The following STPG2 variants were observed in gnomAD, a reference collection of about 807,000 sequenced individuals.
The protein encoded by STPG2 is sperm tail PG-rich repeat containing 2.
In STPG2, 56 loss-of-function variants were observed where a neutral mutation model predicts 54.2. That is an observed-to-expected ratio of 1.03 (90% CI 0.83 to 1.29). The LOEUF (loss-of-function observed/expected upper bound fraction) is 1.29. STPG2 is among the 50% of genes most tolerant of loss of function. The probability of loss-of-function intolerance (pLI) is 0.00; values close to 1 mark genes in which losing one functional copy is unlikely to be tolerated. For missense variants in STPG2, 596 were observed against 544.9 expected (o/e 1.09, Z -0.93); for synonymous variants, 200 against 181.8 (o/e 1.10, Z -0.81).
At chr4:97,983,279 A>C (rs1036900927) in intron 5 of STPG2, among the ~76,000 whole-genome samples, 11 of 152,188 alleles carry the variant, frequency 7.2e-5, no homozygotes, top group Non-Finnish European at 1.3e-4. Flanking sequence ...ACTTTATTGT[A>C]AGTATACAGT....
At chr4:97,970,737 G>C (rs559045331) in intron 7 of STPG2, among the ~76,000 whole-genome samples, 1 of 152,252 alleles carries the variant, frequency 6.6e-6, no homozygotes, top group African/African-American at 2.4e-5. Context: ...TACCATTCAG[G>C]ACATAGGCAT....
In STPG2 at chr4:97,981,238, T is replaced by C. The variant is rs762959299; in HGVS notation, c.693A>G (p.Lys231=). ...EPRTALKSLK[K]TSGLKNIPFG... is the part of the protein sequence containing the mutation. ...ATGGAATATTTTTCAGTCCTGATGT[T>C]TTCTTCAAAGACTTGAGAGCAGTTC... The change falls in exon 6 of 11, where the codon AAA becomes AAG. Residue 231 remains lysine (K), a synonymous_variant. Coordinates refer to ENST00000295268, the MANE Select transcript of STPG2 (RefSeq NM_174952.3). The C allele has an allele frequency of 1.9e-6, 3 of 1,614,044 alleles. No homozygotes were observed. The highest frequency in any genetic ancestry group is 2.5e-6 in the Non-Finnish European group (3 of 1,179,954).
intron 9 of STPG2, among the ~76,000 whole-genome samples, chr4:97,756,080 C>G (rs949750073): frequency 9.9e-5 from 15 of 152,036 alleles, no homozygotes; most frequent in African/African-American, 3.6e-4. Context: ...CTCTCTTTCT[C>G]TCTCTCTCTG....
At chr4:97,965,947 G>A (rs1734081087) in intron 7 of STPG2, among the ~76,000 whole-genome samples, 1 of 152,306 alleles carries the variant, frequency 6.6e-6, no homozygotes, top group African/African-American at 2.4e-5. Context: ...CTAAAAACCA[G>A]AGTGCCTCTT....
In STPG2 at chr4:97,872,004, T is replaced by C. The variant is rs1296271663; in HGVS notation, c.1045-31072A>G. ...TTATTTAAGATTATGAAATTGATCATAATACACCATGTTAATATCTCTAAA... is the reference window on the plus strand; with the variant it reads ...TTATTTAAGATTATGAAATTGATCACAATACACCATGTTAATATCTCTAAA... On this transcript the variant is annotated intron_variant, in intron 8 of 10. Coordinates refer to ENST00000295268, the MANE Select transcript of STPG2 (RefSeq NM_174952.3). Among the ~76,000 whole-genome samples the C allele has an allele frequency of 3.3e-5, 5 of 151,290 alleles. No individual in the cohort carries two copies. The East Asian group carries it at 9.7e-4, about 29-fold the overall frequency.
intron 4 of STPG2, among the ~76,000 whole-genome samples, chr4:97,495,571 A>T (rs1315353437): frequency 6.6e-6 from 1 of 151,372 alleles, no homozygotes; most frequent in Non-Finnish European, 1.5e-5. Flanking sequence ...TAGATCTCAA[A>T]AACTAAGGAA....
chr4:97,998,760 C>T (rs1735320235), intron 5 of STPG2, among the ~76,000 whole-genome samples: 1 of 152,088 alleles, frequency 6.6e-6, no homozygotes, highest in African/African-American at 2.4e-5. Context: ...GAGGGCTCTA[C>T]TGTTGGTGCT....
In STPG2 at chr4:97,810,903, C is replaced by T. The variant is rs1223261516; in HGVS notation, c.1204+29870G>A. ...CATTACAAATCACCAACAAATTTTA[C>T]AAACATTAGTAAATGGTGGCATAAA... is the stretch of plus-strand genomic sequence containing the variant. On this transcript the variant is annotated intron_variant, in intron 9 of 10. Coordinates refer to ENST00000295268, the MANE Select transcript of STPG2 (RefSeq NM_174952.3). Among the ~76,000 whole-genome samples the T allele has an allele frequency of 2.0e-5, 3 of 152,100 alleles. No individual in the cohort carries two copies. The East Asian group carries it at 5.8e-4, about 29-fold the overall frequency.
At chr4:98,108,449 TAG>T (rs1265115353) in intron 4 of STPG2, among the ~76,000 whole-genome samples, 1 of 152,122 alleles carries the variant, frequency 6.6e-6, no homozygotes, top group Non-Finnish European at 1.5e-5. Context: ...TAGGAGAAAA[TAG>T]AGTTATTTTG....
intron 10 of STPG2, among the ~76,000 whole-genome samples, chr4:97,695,390 C>T (rs759327286): frequency 2.0e-5 from 3 of 152,172 alleles, no homozygotes; most frequent in Non-Finnish European, 4.4e-5. Flanking sequence ...CAACATTATA[C>T]TGAATGGGGA....
chr4:97,480,308 G>A (rs1296128783), intron 4 of STPG2, among the ~76,000 whole-genome samples: 1 of 151,408 alleles, frequency 6.6e-6, no homozygotes, highest in African/African-American at 2.4e-5. Context: ...AGTCTTTCCG[G>A]TTTACCCATT....
chr4:97,659,464 C>G (rs1722312096), intron 10 of STPG2, among the ~76,000 whole-genome samples: 1 of 152,130 alleles, frequency 6.6e-6, no homozygotes, highest in Non-Finnish European at 1.5e-5. Flanking sequence ...TAAAAAGAAG[C>G]AAAGTAGTCT....
rs555908908 is a variant in STPG2, at chr4:98,129,928, G to A, written c.223-1336C>T. ...GCTGGAGTGCAGTGGCATGATCTCC[G>A]CTCACTGCAACCTCTGCCTCCTGGG... On this transcript the variant is annotated intron_variant, in intron 2 of 10. Coordinates refer to ENST00000295268, the MANE Select transcript of STPG2 (RefSeq NM_174952.3). 2.6e-4 allele frequency among the ~76,000 whole-genome samples: 39 copies of A among 152,182 alleles called. No homozygotes were observed. The South Asian group carries it at 2.7e-3, about 11-fold the overall frequency.
chr4:97,909,053 A>G (rs1731572477), intron 8 of STPG2, among the ~76,000 whole-genome samples: 1 of 148,958 alleles, frequency 6.7e-6, no homozygotes, highest in Non-Finnish European at 1.5e-5. Flanking sequence ...AAGTTGTGGC[A>G]GCTGCTATAA....
At chr4:97,481,992 T>C (rs1560627227) in intron 4 of STPG2, among the ~76,000 whole-genome samples, 4 of 151,622 alleles carry the variant, frequency 2.6e-5, no homozygotes, top group Admixed American at 2.6e-4. Context: ...ATAAATCATT[T>C]ATTAGCTTGA....
intron 10 of STPG2, among the ~76,000 whole-genome samples, chr4:97,586,910 C>T (rs968667765): frequency 1.3e-5 from 2 of 151,874 alleles, no homozygotes; most frequent in African/African-American, 4.8e-5. Context: ...AATATGGATA[C>T]ACTCAATAGA....
intron 10 of STPG2, among the ~76,000 whole-genome samples, chr4:97,691,349 C>T (rs1723356745): frequency 6.6e-6 from 1 of 152,126 alleles, no homozygotes; most frequent in African/African-American, 2.4e-5. Flanking sequence ...GAAAGTAATA[C>T]CAGCCTTTCA....
intron 9 of STPG2, among the ~76,000 whole-genome samples, chr4:97,804,758 C>T (rs977301348): frequency 2.0e-5 from 3 of 152,114 alleles, no homozygotes; most frequent in Admixed American, 2.0e-4. Flanking sequence ...ACAGTAAGTG[C>T]CCTATACAGG....
chr4:97,801,726 A>G (rs1160585358), intron 9 of STPG2, among the ~76,000 whole-genome samples: 1 of 151,924 alleles, frequency 6.6e-6, no homozygotes, highest in Non-Finnish European at 1.5e-5. Flanking sequence ...ATTGTCTCAC[A>G]TTCCTTTTTT....
Sources: allele counts gnomAD v4.1 joint callset (sites outside exome capture counted in the v4.1 genomes callset), GRCh38; gene constraint gnomAD v4.1.1; transcripts MANE v1.5; gene names NCBI Gene and HGNC (gene_info 2026-07-23, HGNC 2026-07-21).